Variants in SUGP1 observed in about 807,000 individuals in gnomAD.
The protein encoded by SUGP1 is SURP and G-patch domain-containing protein 1.
In SUGP1, 34 loss-of-function variants were observed where a neutral mutation model predicts 76.5. The ratio of observed to expected loss-of-function variants is 0.44; its 90% CI spans 0.34 to 0.59. SUGP1 has a LOEUF of 0.59. SUGP1 is among the 20% of genes least tolerant of loss of function. The pLI, the probability that SUGP1 is intolerant of heterozygous loss-of-function variation, is 0.01. For synonymous variants in SUGP1, 326 were observed against 326.2 expected (o/e 1.00, Z 0.01); for missense variants, 752 against 851.7 (o/e 0.88, Z 1.46).
At chr19:19,297,590 G>A (rs2146609896) in intron 7 of SUGP1, among the ~76,000 whole-genome samples, 1 of 152,180 alleles carries the variant, frequency 6.6e-6, no homozygotes, top group South Asian at 2.1e-4. Context: ...TCTTTATCAG[G>A]CACCCATCAC....
At chr19:19,320,271 C>G (rs2061432721) in intron 1 of SUGP1, among the ~76,000 whole-genome samples, 192 bp downstream of exon 1, 1 of 152,214 alleles carries the variant, frequency 6.6e-6, no homozygotes, top group Non-Finnish European at 1.5e-5. Context: ...CCTCAGCAAA[C>G]CAAGCGGGGG....
chr19:19,319,167 A>T (rs2061417873), intron 1 of SUGP1, among the ~76,000 whole-genome samples: 2 of 152,142 alleles, frequency 1.3e-5, no homozygotes, highest in Admixed American at 1.3e-4. Flanking sequence ...GGTTGCAGTC[A>T]GCCGACATCG....
intron 2 of SUGP1, among the ~76,000 whole-genome samples, chr19:19,314,340 T>A (rs945803160): frequency 1.6e-4 from 24 of 151,290 alleles, no homozygotes; most frequent in African/African-American, 5.3e-4. Context: ...ATAAATTAAT[T>A]AATTAAATAA....
intron 8 of SUGP1, among the ~76,000 whole-genome samples, chr19:19,292,601 A>G (rs10409234): frequency 0.42 from 63,593 of 151,800 alleles, 14,776 homozygotes; most frequent in African/African-American, 0.62. Flanking sequence ...GGAGGTGGAG[A>G]TTGCAGTAAG....
Position 19,297,459 on chromosome 19 carries a change from T to G in SUGP1, c.888-115A>C, listed in dbSNP as rs1469969189. The stretch of plus-strand genomic sequence containing the variant: ...CACGTTGGCCAGGGTCACTATATGG[T>G]CATGTCATAGTCACGGTCTCCACCA... On this transcript the variant is annotated intron_variant, in intron 7 of 13. Transcript: ENST00000247001. 3 of 598,312 alleles carry G rather than the reference T, an allele frequency of 5.0e-6. No individual in the cohort carries two copies. In the African/African-American group the frequency reaches 6.2e-5, roughly 12 times the overall value. The allele number at this position is 598,312 out of a possible 1,614,324, so 37.1% of individuals were successfully genotyped here. A position where few individuals can be genotyped will look rare whatever the true frequency, so the allele number is the denominator to read the frequency against.
rs774620288 is a variant in SUGP1, at chr19:19,277,717, C to T, written c.1781+17G>A. 8 of 1,612,540 alleles carry T rather than the reference C, an allele frequency of 5.0e-6. No individual in the cohort carries two copies. In the Admixed American group the frequency reaches 1.3e-4, roughly 27 times the overall value. ...CCCCAAGTTCATGGCCATGCCCTCCCACAAGGCCACACTCACTTGTTCACT... is the reference window on the plus strand; with the variant it reads ...CCCCAAGTTCATGGCCATGCCCTCCTACAAGGCCACACTCACTTGTTCACT... On this transcript the variant is annotated intron_variant, in intron 12 of 13. Coordinates refer to ENST00000247001, the MANE Select transcript of SUGP1 (RefSeq NM_172231.4).
chr19:19,309,988 G>A, intron 3 of SUGP1, 109 bp downstream of exon 3: 1 of 740,508 alleles, frequency 1.4e-6, no homozygotes, highest in South Asian at 1.5e-5. Flanking sequence ...GGCGATCTAT[G>A]ATTACCGGTG....
At chr19:19,298,371 G>A (rs777475823) in intron 7 of SUGP1, among the ~76,000 whole-genome samples, 9 of 152,288 alleles carry the variant, frequency 5.9e-5, no homozygotes, top group Admixed American at 3.3e-4. Flanking sequence ...GGTGGTACAC[G>A]CCTGTAGTCC....
chr19:19,296,820 A>G (rs1241099161), intron 8 of SUGP1, among the ~76,000 whole-genome samples, 169 bp downstream of exon 8: 2 of 152,210 alleles, frequency 1.3e-5, no homozygotes, highest in East Asian at 3.8e-4. Flanking sequence ...GAGTTCATTC[A>G]CAGATGAGTG....
intron 1 of SUGP1, 22 bp from the exon 2 acceptor site, chr19:19,316,615 G>A (rs756203468): frequency 6.2e-6 from 10 of 1,612,690 alleles, no homozygotes; most frequent in Middle Eastern, 1.6e-4. Flanking sequence ...AAAGGAGTAC[G>A]TCGGAAATCA....
rs570627478 is a variant in SUGP1, at chr19:19,276,474, C to T, written c.*174G>A. 1.4e-6 allele frequency: 1 copy of T among 722,752 alleles called. No individual in the cohort carries two copies. The highest frequency in any genetic ancestry group is 1.8e-5 in the South Asian group (1 of 56,310). 44.8% of individuals were successfully genotyped at this position (722,752 alleles called of 1,614,324 possible). ...CGAGACAGCATCTTGCATCCCGCTGCTAACAGGAGGGGCTTCCTGCAACAG... is the reference window on the plus strand; with the variant it reads ...CGAGACAGCATCTTGCATCCCGCTGTTAACAGGAGGGGCTTCCTGCAACAG... On this transcript the variant is annotated 3_prime_UTR_variant, in exon 14 of 14. Coordinates refer to ENST00000247001, the MANE Select transcript of SUGP1 (RefSeq NM_172231.4).
At chr19:19,282,808 C>G (rs185878791) in intron 8 of SUGP1, among the ~76,000 whole-genome samples, 1 of 151,950 alleles carries the variant, frequency 6.6e-6, no homozygotes, top group East Asian at 1.9e-4. Flanking sequence ...CCAGGCACGG[C>G]GGCTCACGCC....
chr19:19,318,868 T>C (rs1453023093), intron 1 of SUGP1, among the ~76,000 whole-genome samples: 1 of 152,178 alleles, frequency 6.6e-6, no homozygotes, highest in Non-Finnish European at 1.5e-5. Context: ...GGTGATAGTA[T>C]GGAGACAGGG....
Position 19,277,894 on chromosome 19 carries a change from G to A in SUGP1, c.1636-15C>T, listed in dbSNP as rs781680319. 5.0e-6 allele frequency: 8 copies of A among 1,612,568 alleles called. No homozygotes were observed. In the East Asian group the frequency reaches 1.8e-4, roughly 36 times the overall value. ...TCACGGCCCTCCTGCAAGGTGAGGA[G>A]GTAGCTGTCACCCACCAGGGCTGGG... is the stretch of plus-strand genomic sequence containing the variant. On this transcript the variant is annotated splice_polypyrimidine_tract_variant and intron_variant, in intron 11 of 13. Transcript: ENST00000247001.
intron 2 of SUGP1, 93 bp downstream of exon 2, chr19:19,316,329 G>T: frequency 6.8e-7 from 1 of 1,481,254 alleles, no homozygotes; most frequent in Non-Finnish European, 9.2e-7. Context: ...CTGGGTGCAA[G>T]CACATGCTGA....
intron 2 of SUGP1, among the ~76,000 whole-genome samples, chr19:19,313,563 GCTAGGC>G (rs2061367842): frequency 6.6e-6 from 1 of 152,124 alleles, no homozygotes; most frequent in Non-Finnish European, 1.5e-5. Flanking sequence ...TTAAAAATTA[GCTAGGC>G]ATGGCAGTGG....
chr19:19,302,043 GC>G (rs2061275758), intron 7 of SUGP1: 6 of 595,600 alleles, frequency 1.0e-5, no homozygotes, highest in African/African-American at 3.7e-5. Flanking sequence ...GGCCCCAAAG[GC>G]CCCGTGCACC....
At chr19:19,302,503 C>G (rs983090828) in intron 6 of SUGP1, 115 bp from the exon 7 acceptor site, 1 of 1,430,078 alleles carries the variant, frequency 7.0e-7, no homozygotes, top group Admixed American at 2.0e-5. Flanking sequence ...CAAAGAGAAA[C>G]AGGCAAATGG....
At chr19:19,314,750 C>T (rs1438989195) in intron 2 of SUGP1, among the ~76,000 whole-genome samples, 1 of 152,182 alleles carries the variant, frequency 6.6e-6, no homozygotes, top group East Asian at 1.9e-4. Context: ...AATGCTGGTT[C>T]TTGGCCGGGT....
Sources: allele counts gnomAD v4.1 joint callset (sites outside exome capture counted in the v4.1 genomes callset), GRCh38; gene constraint gnomAD v4.1.1; transcripts MANE v1.5; gene names NCBI Gene and HGNC (gene_info 2026-07-23, HGNC 2026-07-21).